Variants in SLC9A9 observed in about 807,000 individuals in gnomAD.
The protein encoded by SLC9A9 is solute carrier family 9 member A9, also known as sodium/hydrogen exchanger 9.
SLC9A9 carries 62 observed loss-of-function variants against 77.8 expected under a neutral mutation model. The observed-to-expected ratio is 0.80, with a 90% CI of 0.65 to 0.98. The LOEUF is 0.98. Ranked by LOEUF, SLC9A9 falls within the 50% of genes least tolerant of loss-of-function variation. SLC9A9 has a pLI of 0.00. For missense variants in SLC9A9, 775 were observed against 774.9 expected (o/e 1.00, Z 0.00); for synonymous variants, 320 against 283.5 (o/e 1.13, Z -1.29).
At chr3:143,424,590 C>T (rs1193373329) in intron 12 of SLC9A9, among the ~76,000 whole-genome samples, 2 of 152,148 alleles carry the variant, frequency 1.3e-5, no homozygotes, top group African/African-American at 4.8e-5. Context: ...TCTGCCTCCC[C>T]AAGTGCTGGG....
rs61734409 is a variant in SLC9A9, at chr3:143,467,128, T to C, written c.1378A>G (p.Met460Val). The C allele has an allele frequency of 1.7e-5, 27 of 1,614,162 alleles. No individual in the cohort carries two copies. The African/African-American group carries it at 3.3e-4, about 20-fold the overall frequency. The part of the protein sequence containing the change: ...IRNTESQPKQ[M>V]MFTTTLLLVF... ...AGGAGCAGCGTAGTGGTAAACATCATTTGTTTGGGCTGAGATTCTGTGTTC... is the reference window on the plus strand; with the variant it reads ...AGGAGCAGCGTAGTGGTAAACATCACTTGTTTGGGCTGAGATTCTGTGTTC... The change falls in exon 12 of 16, where the codon ATG becomes GTG. Residue 460 changes from methionine (M) to valine (V), a missense_variant. Physicochemically the swap from Met to Val is conservative, Grantham distance 21. Coordinates refer to ENST00000316549, the MANE Select transcript of SLC9A9 (RefSeq NM_173653.4).
chr3:143,279,196 C>T (rs1421156344), intron 14 of SLC9A9, among the ~76,000 whole-genome samples: 1 of 152,136 alleles, frequency 6.6e-6, no homozygotes, highest in Non-Finnish European at 1.5e-5. Flanking sequence ...AAAATATTGC[C>T]AAGTTTTTCC....
chr3:143,318,335 A>G (rs1470494701), intron 14 of SLC9A9, among the ~76,000 whole-genome samples: 1 of 152,252 alleles, frequency 6.6e-6, no homozygotes, highest in African/African-American at 2.4e-5. Context: ...AATCTTTAAA[A>G]TAAAATAGAT....
At chr3:143,679,674 T>G (rs1933017342) in intron 5 of SLC9A9, among the ~76,000 whole-genome samples, 1 of 152,176 alleles carries the variant, frequency 6.6e-6, no homozygotes, top group South Asian at 2.1e-4. Context: ...AACTGTAGTT[T>G]TGAGGCCCTT....
intron 14 of SLC9A9, among the ~76,000 whole-genome samples, chr3:143,295,313 T>C (rs1443264303): frequency 1.3e-5 from 2 of 152,228 alleles, no homozygotes; most frequent in African/African-American, 4.8e-5. Context: ...TTTCTCTTTC[T>C]CAAAGTTATT....
intron 8 of SLC9A9, among the ~76,000 whole-genome samples, chr3:143,563,920 T>C (rs1027966590): frequency 6.6e-6 from 1 of 152,136 alleles, no homozygotes; most frequent in African/African-American, 2.4e-5. Context: ...TCCTGTCAAC[T>C]AGATTACCCA....
At chr3:143,608,799 G>A (rs35152294) in intron 6 of SLC9A9, among the ~76,000 whole-genome samples, 18,778 of 152,154 alleles carry the variant, frequency 0.12, 1,478 homozygotes, top group Non-Finnish European at 0.18. Context: ...GTGCAGAGAA[G>A]GGTGTTAGGG....
rs78473944 is a variant in SLC9A9, at chr3:143,711,225, T to C, written c.534-17918A>G. Among the ~76,000 whole-genome samples, 860 of 152,306 alleles carry C rather than the reference T, an allele frequency of 5.6e-3. 11 individuals are homozygous for C. The highest frequency in any genetic ancestry group is 0.019 in the African/African-American group (810 of 41,572). ...TTGTTTGTGATGCATGTAATACAAC[T>C]TGTTACTTGAAATTTCTTTGCAGTT... On this transcript the variant is annotated intron_variant, in intron 4 of 15. Coordinates refer to ENST00000316549, the MANE Select transcript of SLC9A9 (RefSeq NM_173653.4).
intron 12 of SLC9A9, among the ~76,000 whole-genome samples, chr3:143,405,847 A>T (rs2033965761): frequency 6.6e-6 from 1 of 152,216 alleles, no homozygotes; most frequent in Non-Finnish European, 1.5e-5. Context: ...CACAAACTTG[A>T]CATTCTAACT....
chr3:143,371,770 TC>T (rs887089631), intron 13 of SLC9A9, among the ~76,000 whole-genome samples: 28 of 152,254 alleles, frequency 1.8e-4, no homozygotes, highest in African/African-American at 6.3e-4. Flanking sequence ...AAAGAAGAAG[TC>T]CAGCTGTAAC....
intron 4 of SLC9A9, among the ~76,000 whole-genome samples, chr3:143,752,500 A>T (rs2108825754): frequency 6.6e-6 from 1 of 152,226 alleles, no homozygotes; most frequent in Admixed American, 6.5e-5. Context: ...ATCTCAAGGG[A>T]GGTAAGGGTG....
intron 4 of SLC9A9, among the ~76,000 whole-genome samples, chr3:143,744,628 C>T (rs565723736): frequency 2.0e-5 from 3 of 152,314 alleles, no homozygotes; most frequent in East Asian, 3.9e-4. Context: ...TAGATACTAA[C>T]TAGAACTTAC....
chr3:143,597,179 C>T (rs1053070104), intron 6 of SLC9A9, among the ~76,000 whole-genome samples: 3 of 152,168 alleles, frequency 2.0e-5, no homozygotes. Flanking sequence ...CACACACCTC[C>T]ACTTATTATA....
chr3:143,620,787 C>T (rs149340152), intron 6 of SLC9A9, among the ~76,000 whole-genome samples: 269 of 152,210 alleles, frequency 1.8e-3, no homozygotes, highest in African/African-American at 5.6e-3. Context: ...GTGGGTGCAG[C>T]GACCAAGTGT....
At chr3:143,773,775 C>T (rs1268137145) in intron 4 of SLC9A9, among the ~76,000 whole-genome samples, 1 of 152,194 alleles carries the variant, frequency 6.6e-6, no homozygotes, top group Non-Finnish European at 1.5e-5. Flanking sequence ...TAAGCCACCA[C>T]ACCTGGCCCT....
chr3:143,401,081 G>T (rs2033845307), intron 12 of SLC9A9, among the ~76,000 whole-genome samples: 1 of 152,104 alleles, frequency 6.6e-6, no homozygotes, highest in Non-Finnish European at 1.5e-5. Flanking sequence ...GCAGACCAAT[G>T]CAGATGGCAT....
At chr3:143,615,126 C>T (rs926445453) in intron 6 of SLC9A9, among the ~76,000 whole-genome samples, 10 of 152,258 alleles carry the variant, frequency 6.6e-5, no homozygotes, top group East Asian at 3.9e-4. Context: ...CTCAGAGTCT[C>T]GTTACTAAAC....
intron 12 of SLC9A9, among the ~76,000 whole-genome samples, chr3:143,458,046 G>C (rs1286852165): frequency 1.3e-5 from 2 of 152,104 alleles, no homozygotes; most frequent in African/African-American, 4.8e-5. Context: ...GTTTGCAACT[G>C]TAAGTGTTAA....
intron 12 of SLC9A9, among the ~76,000 whole-genome samples, chr3:143,430,149 C>G (rs1041559629): frequency 6.6e-6 from 1 of 152,258 alleles, no homozygotes; most frequent in African/African-American, 2.4e-5. Context: ...TCATCAGAAC[C>G]TTTTGGAGAA....
Sources: allele counts gnomAD v4.1 joint callset (sites outside exome capture counted in the v4.1 genomes callset), GRCh38; gene constraint gnomAD v4.1.1; transcripts MANE v1.5; gene names NCBI Gene and HGNC (gene_info 2026-07-23, HGNC 2026-07-21).